Variants in ABI3 observed in about 807,000 individuals in gnomAD.
The protein encoded by ABI3 is ABI family member 3.
ABI3 carries 24 observed loss-of-function variants against 37.0 expected under a neutral mutation model. The ratio of observed to expected loss-of-function variants is 0.65; its 90% CI spans 0.47 to 0.91. ABI3 has a LOEUF of 0.91. Ranked by LOEUF, ABI3 falls within the 40% of genes least tolerant of loss-of-function variation. ABI3 has a pLI of 0.00. For missense variants in ABI3, 481 were observed against 485.1 expected, an observed-to-expected ratio of 0.99 and a Z score of 0.08; for synonymous variants, 220 against 211.8, an observed-to-expected ratio of 1.04 and a Z score of -0.34.
intron 5 of ABI3, 53 bp downstream of exon 5, chr17:49,220,006 G>A: frequency 6.5e-7 from 1 of 1,530,302 alleles, no homozygotes; most frequent in East Asian, 2.4e-5. Context: ...TGGCTTTTGA[G>A]AGGGGCCACC....
rs1469808038 is a variant in ABI3, at chr17:49,210,881, GA to G, written c.117+41del. On this transcript the variant is annotated intron_variant, in intron 1 of 7. Coordinates refer to ENST00000225941, the MANE Select transcript of ABI3 (RefSeq NM_016428.3). This position sits in a 1 kb window ranked among gnomAD's most constrained non-coding sequence, Gnocchi z 4.2. Reference sequence around the variant, plus strand: ...CGGAAGCCTGACACCCCAGCCCCCGGAGGGGGGACCCTGAGCCCTGCCCCAA... The same window carrying G: ...CGGAAGCCTGACACCCCAGCCCCCGGGGGGGGACCCTGAGCCCTGCCCCAA... 83 of 1,503,598 alleles carry G rather than the reference GA, an allele frequency of 5.5e-5. No individual in the cohort carries two copies. The highest frequency in any genetic ancestry group is 7.1e-5 in the Non-Finnish European group (79 of 1,106,976). 93.1% of individuals were successfully genotyped at this position (1,503,598 alleles called of 1,614,324 possible).
Position 49,220,320 on chromosome 17 carries a change from C to T in ABI3, c.796C>T (p.Pro266Ser). Residue 266 changes from proline (P) to serine (S), a missense_variant, in exon 6 of 8, where the codon CCA becomes TCA. By Grantham distance (74) the Pro-to-Ser change is moderately conservative. Coordinates refer to ENST00000225941, the MANE Select transcript of ABI3 (RefSeq NM_016428.3). ...PPTLEELSPPPPDEELPLPLD... is the reference protein window; with the variant it reads ...PPTLEELSPPSPDEELPLPLD... ...CACGCTGGAGGAGTTGTCCCCACCC[C>T]CACCGGGTAAGGAGGTCCACCCTCT... 1 of 1,584,796 alleles carries T rather than the reference C, an allele frequency of 6.3e-7. No homozygotes were observed. Among genetic ancestry groups the T allele is most frequent in the South Asian group, 1.1e-5 (1 of 87,286 alleles).
rs916359017 is a variant in ABI3 at position 49,210,898 on chromosome 17, C to A, written c.117+57C>A. The A allele has an allele frequency of 2.8e-6, 4 of 1,449,252 alleles. No homozygotes were observed. In the African/African-American group the frequency reaches 5.7e-5, roughly 21 times the overall value. The allele number at this position is 1,449,252 out of a possible 1,614,324, so 89.8% of individuals were successfully genotyped here. On this transcript the variant is annotated intron_variant, in intron 1 of 7. Transcript: ENST00000225941. The surrounding 1 kb of genome is among the most constrained non-coding windows in gnomAD (Gnocchi z 4.2). ...AGCCCCCGGAGGGGGGACCCTGAGC[C>A]CTGCCCCAAGTGGGGCCCTGGGACC... is the stretch of plus-strand genomic sequence containing the variant.
intron 1 of ABI3, among the ~76,000 whole-genome samples, chr17:49,212,487 G>T (rs1182053700): frequency 6.6e-6 from 1 of 152,218 alleles, no homozygotes; most frequent in Non-Finnish European, 1.5e-5. Flanking sequence ...GTTGAAAAAA[G>T]AAGTAAATGA....
intron 1 of ABI3, among the ~76,000 whole-genome samples, chr17:49,213,468 C>T (rs1173110794): frequency 6.6e-6 from 1 of 152,132 alleles, no homozygotes; most frequent in Non-Finnish European, 1.5e-5. Context: ...TACCCTCCAA[C>T]CCCACCTGCA....
In ABI3 at chr17:49,219,853, G is replaced by A; in HGVS notation, c.549-5G>A. The stretch of plus-strand genomic sequence containing the variant: ...TCCTAATACCCACTCCCTGCCCCCC[G>A]CCAGGAGACCACCCCGGATTCCCGA... On this transcript the variant is annotated splice_polypyrimidine_tract_variant and splice_region_variant and intron_variant, in intron 4 of 7. Coordinates refer to ENST00000225941, the MANE Select transcript of ABI3 (RefSeq NM_016428.3). The surrounding 1 kb of genome is among the most constrained non-coding windows in gnomAD (Gnocchi z 4.3). The A allele has an allele frequency of 3.2e-6, 5 of 1,541,304 alleles. No individual in the cohort carries two copies. Among genetic ancestry groups the A allele is most frequent in the Non-Finnish European group, 3.5e-6 (4 of 1,148,282 alleles).
At chr17:49,221,663 C>T (rs2043290150) in intron 6 of ABI3, among the ~76,000 whole-genome samples, 1 of 152,156 alleles carries the variant, frequency 6.6e-6, no homozygotes, top group African/African-American at 2.4e-5. Context: ...GCTAGCAGCA[C>T]TGTGGGAAGA....
rs923005065 is a variant in ABI3, at chr17:49,219,261, G to A, written c.463-279G>A. ...AGCTTCCTGGGCTCTGAGATGGTCT[G>A]GGGGAGGGACAGGGGTGCTGGGCCC... On this transcript the variant is annotated intron_variant, in intron 3 of 7. Coordinates refer to ENST00000225941, the MANE Select transcript of ABI3 (RefSeq NM_016428.3). The surrounding 1 kb of genome is among the most constrained non-coding windows in gnomAD (Gnocchi z 4.3). 6.6e-6 allele frequency among the ~76,000 whole-genome samples: 1 copy of A among 152,134 alleles called. No homozygotes were observed. Among genetic ancestry groups the A allele is most frequent in the Non-Finnish European group, 1.5e-5 (1 of 68,018 alleles).
intron 1 of ABI3, among the ~76,000 whole-genome samples, chr17:49,214,517 T>C (rs906486828): frequency 6.6e-6 from 1 of 152,236 alleles, no homozygotes; most frequent in Non-Finnish European, 1.5e-5. Flanking sequence ...AAGATCAGCC[T>C]GACCAGCATG....
chr17:49,218,001 G>C, intron 3 of ABI3, 86 bp downstream of exon 3: 1 of 1,334,586 alleles, frequency 7.5e-7, no homozygotes, highest in Non-Finnish European at 1.0e-6. Context: ...AGTTCTGCAA[G>C]TTTTGTCCCC....
chr17:49,216,726 TC>T (rs756275528), intron 2 of ABI3, 28 bp downstream of exon 2: 3 of 1,461,130 alleles, frequency 2.1e-6, no homozygotes, highest in Non-Finnish European at 2.7e-6. Flanking sequence ...TGGGAAGGCA[TC>T]TTGTGTCAGG....
chr17:49,218,165 G>A (rs933837743), intron 3 of ABI3, among the ~76,000 whole-genome samples: 15 of 152,290 alleles, frequency 9.8e-5, no homozygotes, highest in African/African-American at 3.1e-4. Flanking sequence ...TCGCCCCCCC[G>A]CCCTGCCCCT....
In ABI3 at chr17:49,219,559, C is replaced by G; in HGVS notation, c.482C>G (p.Ser161Ter). The G allele has an allele frequency of 6.2e-7, 1 of 1,605,026 alleles. No homozygotes were observed. Among genetic ancestry groups the G allele is most frequent in the Non-Finnish European group, 8.5e-7 (1 of 1,176,112 alleles). ...TCGCAGGACCTCAGCACGCAGCTGTCAAGAACAGGCACCCTGTCTCGAAAG... is the reference window on the plus strand; with the variant it reads ...TCGCAGGACCTCAGCACGCAGCTGTGAAGAACAGGCACCCTGTCTCGAAAG... The part of the protein sequence containing the change: ...HGIKDLSTQL[S>*]RTGTLSRKSI... Residue 161 changes from serine to a stop codon, truncating the protein, a stop_gained, in exon 4 of 8, where the codon TCA becomes TGA. Coordinates refer to ENST00000225941, the MANE Select transcript of ABI3 (RefSeq NM_016428.3). LOFTEE classifies it high-confidence loss of function. This position sits in a 1 kb window ranked among gnomAD's most constrained non-coding sequence, Gnocchi z 4.3.
chr17:49,215,976 T>C (rs1598240488), intron 1 of ABI3, among the ~76,000 whole-genome samples: 1 of 151,066 alleles, frequency 6.6e-6, no homozygotes, highest in Non-Finnish European at 1.5e-5. Context: ...CTGGGCGTGG[T>C]GGCACATGCT....
In ABI3 at chr17:49,222,146, T is replaced by C; in HGVS notation, c.858T>C (p.Asp286=). The change falls in exon 7 of 8, where the codon GAT becomes GAC. Residue 286 remains aspartate, a synonymous_variant. Coordinates refer to ENST00000225941, the MANE Select transcript of ABI3 (RefSeq NM_016428.3). The part of the protein sequence containing the change: ...DLPPPPPLDG[D]ELGLPPPPPG... Reference sequence around the variant, plus strand: ...CTCCTCCTCCACCCCTGGATGGAGATGAATTGGGGCTGCCTCCACCCCCAC... The same window carrying C: ...CTCCTCCTCCACCCCTGGATGGAGACGAATTGGGGCTGCCTCCACCCCCAC... 6.2e-7 allele frequency: 1 copy of C among 1,613,590 alleles called. No homozygotes were observed. The highest frequency in any genetic ancestry group is 8.5e-7 in the Non-Finnish European group (1 of 1,179,800).
rs750005073 is a variant in ABI3 at position 49,210,721 on chromosome 17, G to A, written c.-4G>A. On this transcript the variant is annotated 5_prime_UTR_variant, in exon 1 of 8. Coordinates refer to ENST00000225941, the MANE Select transcript of ABI3 (RefSeq NM_016428.3). The surrounding 1 kb of genome is among the most constrained non-coding windows in gnomAD (Gnocchi z 4.2). ...CCTGGGGAGCCAGACAGAGGCTGGG[G>A]GTGATGGCGGAGCTACAGCAGCTGC... 1.9e-6 allele frequency: 3 copies of A among 1,555,862 alleles called. No individual in the cohort carries two copies. Among genetic ancestry groups the A allele is most frequent in the Non-Finnish European group, 2.6e-6 (3 of 1,149,512 alleles).
At chr17:49,222,266 CCT>C (rs569601133) in intron 7 of ABI3, 41 bp downstream of exon 7, 15 of 1,590,924 alleles carry the variant, frequency 9.4e-6, no homozygotes, top group Admixed American at 3.4e-5. Context: ...GATCCCACTT[CCT>C]CTGTTGCCCT....
At chr17:49,213,328 C>T (rs182465571) in intron 1 of ABI3, among the ~76,000 whole-genome samples, 49 of 152,314 alleles carry the variant, frequency 3.2e-4, no homozygotes, top group African/African-American at 9.4e-4. Flanking sequence ...CTGCTTCCTT[C>T]GTGCAGAGTA....
Position 49,219,808 on chromosome 17 carries a change from C to T in ABI3, c.549-50C>T. On this transcript the variant is annotated intron_variant, in intron 4 of 7. Transcript: ENST00000225941. This position sits in a 1 kb window ranked among gnomAD's most constrained non-coding sequence, Gnocchi z 4.3. ...CCTGCTCGCACCCGACCCCTGCTGG[C>T]CAGAAGCCTTCCTCCTTCCTCCTAA... is the stretch of plus-strand genomic sequence containing the variant. The T allele has an allele frequency of 6.6e-7, 1 of 1,520,000 alleles. No homozygotes were observed. The highest frequency in any genetic ancestry group is 8.8e-7 in the Non-Finnish European group (1 of 1,130,332). 94.2% of individuals were successfully genotyped at this position (1,520,000 alleles called of 1,614,324 possible).
Sources: allele counts gnomAD v4.1 joint callset (sites outside exome capture counted in the v4.1 genomes callset), GRCh38; gene constraint gnomAD v4.1.1; non-coding constraint Gnocchi (gnomAD v3.1); transcripts MANE v1.5; gene names NCBI Gene and HGNC (gene_info 2026-07-23, HGNC 2026-07-21).